Variants in COL14A1 observed in about 807,000 individuals in gnomAD.
COL14A1 encodes collagen alpha-1(XIV) chain.
A neutral mutation model predicts 230.3 loss-of-function variants in COL14A1; 136 were observed. That is an observed-to-expected ratio of 0.59 (90% confidence interval 0.51 to 0.68). COL14A1 has a LOEUF of 0.68. COL14A1 is among the 30% of genes least tolerant of loss of function. The pLI, the probability that COL14A1 is intolerant of heterozygous loss-of-function variation, is 0.00. For missense variants in COL14A1, 1,976 were observed against 2,215.8 expected (o/e 0.89, Z 2.17); for synonymous variants, 792 against 784.1 (o/e 1.01, Z -0.17).
intron 2 of COL14A1, among the ~76,000 whole-genome samples, chr8:120,157,883 G>A (rs1466543348): frequency 6.6e-6 from 1 of 152,184 alleles, no homozygotes; most frequent in East Asian, 1.9e-4. Flanking sequence ...CTACTCAGGA[G>A]GCTGAGGCAG....
At chr8:120,296,078 T>C (rs1374200231) in intron 34 of COL14A1, among the ~76,000 whole-genome samples, 1 of 151,934 alleles carries the variant, frequency 6.6e-6, no homozygotes, top group Non-Finnish European at 1.5e-5. Context: ...TAATAAAAAC[T>C]TAATTTTTTA....
intron 14 of COL14A1, among the ~76,000 whole-genome samples, chr8:120,220,216 A>G (rs1299334455): frequency 6.6e-6 from 1 of 152,042 alleles, no homozygotes; most frequent in East Asian, 1.9e-4. Context: ...CTCAAAAAAC[A>G]TTCTGGAATG....
Position 120,368,005 on chromosome 8 carries a change from A to G in COL14A1, c.5155+757A>G, listed in dbSNP as rs1337496036. Among the ~76,000 whole-genome samples, 4 of 152,144 alleles carry G rather than the reference A, an allele frequency of 2.6e-5. No homozygotes were observed. In the East Asian group the frequency reaches 7.7e-4, roughly 29 times the overall value. The stretch of plus-strand genomic sequence containing the variant: ...CTAAACAGAATGAGATGTCACTTCC[A>G]TTCACATTTTATTGTCTGGAACTAA... On this transcript the variant is annotated intron_variant, in intron 46 of 47. Transcript: ENST00000297848.
At chr8:120,282,526 A>G (rs1820069977) in intron 31 of COL14A1, among the ~76,000 whole-genome samples, 1 of 152,200 alleles carries the variant, frequency 6.6e-6, no homozygotes, top group African/African-American at 2.4e-5. Flanking sequence ...GCACTCAAAA[A>G]TACTTATTGA....
At chr8:120,206,779 T>C (rs1817446742) in intron 9 of COL14A1, among the ~76,000 whole-genome samples, 164 bp from the exon 10 acceptor site, 1 of 152,222 alleles carries the variant, frequency 6.6e-6, no homozygotes, top group African/African-American at 2.4e-5. Flanking sequence ...TAATAGACAT[T>C]TAAATGTTTG....
chr8:120,229,238 T>A (rs900792308), intron 18 of COL14A1, among the ~76,000 whole-genome samples: 60 of 149,700 alleles, frequency 4.0e-4, no homozygotes, highest in African/African-American at 1.4e-3. Flanking sequence ...ATTAGGTATA[T>A]CTCCCAATGC....
At chr8:120,263,040 T>A in intron 24 of COL14A1, 26 bp downstream of exon 24, 1 of 1,565,278 alleles carries the variant, frequency 6.4e-7, no homozygotes, top group East Asian at 2.3e-5. Context: ...TCTCTCCTGA[T>A]CCCTCTCCCC....
At chr8:120,303,246 T>C (rs1820769096) in intron 36 of COL14A1, among the ~76,000 whole-genome samples, 1 of 152,290 alleles carries the variant, frequency 6.6e-6, no homozygotes, top group Admixed American at 6.5e-5. Flanking sequence ...TCTTGCCTGA[T>C]TGCACTGGCC....
intron 38 of COL14A1, 59 bp downstream of exon 38, chr8:120,314,086 C>T: frequency 8.0e-7 from 1 of 1,255,470 alleles, no homozygotes; most frequent in Non-Finnish European, 1.1e-6. Context: ...CATGAGGTTA[C>T]AAAGAATGAA....
chr8:120,365,664 A>C (rs1823384724), intron 45 of COL14A1, among the ~76,000 whole-genome samples: 2 of 152,224 alleles, frequency 1.3e-5, no homozygotes, highest in Admixed American at 1.3e-4. Flanking sequence ...TTTAAAACTC[A>C]GATGAGATGG....
chr8:120,223,199 G>C (rs548104565), intron 14 of COL14A1, among the ~76,000 whole-genome samples: 1 of 152,324 alleles, frequency 6.6e-6, no homozygotes, highest in East Asian at 1.9e-4. Flanking sequence ...GGTATCTCAG[G>C]GTGCTTGGTT....
At chr8:120,230,478 C>G (rs1818232748) in intron 18 of COL14A1, among the ~76,000 whole-genome samples, 1 of 152,116 alleles carries the variant, frequency 6.6e-6, no homozygotes, top group Non-Finnish European at 1.5e-5. Flanking sequence ...TTTTTCACAG[C>G]ATCCAAGATC....
At chr8:120,199,300 T>C in intron 7 of COL14A1, 102 bp from the exon 8 acceptor site, 1 of 1,079,842 alleles carries the variant, frequency 9.3e-7, no homozygotes, top group South Asian at 2.1e-5. Flanking sequence ...TAATAAAAAG[T>C]CTATGGCTCA....
chr8:120,347,799 T>C (rs1247153960), intron 45 of COL14A1, among the ~76,000 whole-genome samples: 1 of 152,204 alleles, frequency 6.6e-6, no homozygotes, highest in East Asian at 1.9e-4. Flanking sequence ...GTATAAAATA[T>C]GATTATCATC....
chr8:120,365,465 C>T (rs1222211962), intron 45 of COL14A1, among the ~76,000 whole-genome samples: 2 of 152,160 alleles, frequency 1.3e-5, no homozygotes, highest in African/African-American at 4.8e-5. Context: ...GGATTCTCGG[C>T]TAAATTCCCG....
intron 11 of COL14A1, 133 bp from the exon 12 acceptor site, chr8:120,209,623 A>G (rs187821757): frequency 4.6e-6 from 4 of 870,728 alleles, no homozygotes; most frequent in Non-Finnish European, 6.8e-6. Flanking sequence ...TGTTTAACCC[A>G]GGAACTTGCA....
At chr8:120,343,571 A>T (rs983584892) in intron 44 of COL14A1, among the ~76,000 whole-genome samples, 23 of 152,220 alleles carry the variant, frequency 1.5e-4, no homozygotes, top group Non-Finnish European at 3.1e-4. Context: ...AGGCAAAAAC[A>T]TCAGGGCAAG....
At position 120,364,522 on chromosome 8, in the gene COL14A1, CA is replaced by C. The variant is rs569075442; in HGVS notation, c.5078-2647del. Among the ~76,000 whole-genome samples, 29 of 152,200 alleles carry C rather than the reference CA, an allele frequency of 1.9e-4. No homozygotes were observed. In the South Asian group the frequency reaches 5.8e-3, roughly 30 times the overall value. ...GAACATTCCTTCAGTATGCGAACCA[CA>C]AGTGGATATGTGGACAAATATTAAT... On this transcript the variant is annotated intron_variant, in intron 45 of 47. Coordinates refer to ENST00000297848, the MANE Select transcript of COL14A1 (RefSeq NM_021110.4).
intron 19 of COL14A1, among the ~76,000 whole-genome samples, chr8:120,235,300 G>C (rs1818404943): frequency 6.6e-6 from 1 of 151,998 alleles, no homozygotes; most frequent in Admixed American, 6.6e-5. Flanking sequence ...CTTCCGAGTT[G>C]CTGGGACTAC....
Sources: gnomAD v4.1 joint callset for allele counts (sites outside exome capture counted in the v4.1 genomes callset) on GRCh38, gnomAD v4.1.1 for gene constraint, MANE v1.5 for transcripts, NCBI Gene and HGNC (gene_info 2026-07-23, HGNC 2026-07-21) for gene names.